IMMP1L: variants seen among roughly 807,000 people sequenced by gnomAD.
The protein encoded by IMMP1L is inner mitochondrial membrane peptidase subunit 1, also known as mitochondrial inner membrane protease subunit 1.
A neutral mutation model predicts 21.8 loss-of-function variants in IMMP1L; 24 were observed. The ratio of observed to expected loss-of-function variants is 1.10; its 90% CI spans 0.80 to 1.55. IMMP1L has a LOEUF of 1.55. Ranked by LOEUF, IMMP1L falls within the 40% of genes most tolerant of loss-of-function variation. IMMP1L has a pLI of 0.00. For missense variants in IMMP1L, 195 were observed against 200.7 expected (o/e 0.97, Z 0.17); for synonymous variants, 46 against 62.8 (o/e 0.73, Z 1.26).
chr11:31,485,938 A>T (rs1310702278), intron 1 of IMMP1L, among the ~76,000 whole-genome samples: 2 of 151,902 alleles, frequency 1.3e-5, no homozygotes, highest in Non-Finnish European at 2.9e-5. Context: ...TTTTCTGATG[A>T]AGTACTCAAA....
intron 1 of IMMP1L, among the ~76,000 whole-genome samples, chr11:31,494,410 C>T (rs1485284236): frequency 6.6e-6 from 1 of 152,208 alleles, no homozygotes; most frequent in South Asian, 2.1e-4. Context: ...ACACCATGCC[C>T]CAGGACTGCA....
intron 4 of IMMP1L, chr11:31,452,839 C>T (rs1419938532): frequency 9.3e-6 from 7 of 752,600 alleles, no homozygotes; most frequent in Non-Finnish European, 1.2e-5. Flanking sequence ...CAACCTCCAC[C>T]TCCCAGGTTG....
chr11:31,468,051 G>T (rs1320038305), intron 1 of IMMP1L, among the ~76,000 whole-genome samples: 1 of 151,464 alleles, frequency 6.6e-6, no homozygotes, highest in Non-Finnish European at 1.5e-5. Context: ...TTTAATGAAA[G>T]GAAAAATTAT....
chr11:31,486,609 T>C (rs1011380033), intron 1 of IMMP1L, among the ~76,000 whole-genome samples: 5 of 152,008 alleles, frequency 3.3e-5, no homozygotes, highest in African/African-American at 1.2e-4. Flanking sequence ...ACATGATATG[T>C]AACCAGGATA....
intron 3 of IMMP1L, among the ~76,000 whole-genome samples, chr11:31,459,378 G>A (rs1418636616): frequency 1.3e-5 from 2 of 152,156 alleles, no homozygotes; most frequent in Admixed American, 1.3e-4. Context: ...ACTAGCTCAA[G>A]GGAATCAAAT....
intron 4 of IMMP1L, among the ~76,000 whole-genome samples, chr11:31,455,773 A>C (rs1222187715): frequency 6.6e-6 from 1 of 152,014 alleles, no homozygotes; most frequent in Non-Finnish European, 1.5e-5. Context: ...ATATTGTCTT[A>C]TGTTTTCTCA....
chr11:31,506,579 G>A (rs535733824), intron 1 of IMMP1L, among the ~76,000 whole-genome samples: 3 of 149,490 alleles, frequency 2.0e-5, no homozygotes, highest in Admixed American at 1.3e-4. Context: ...ATTTATTCTC[G>A]TGTTTTATAT....
intron 4 of IMMP1L, among the ~76,000 whole-genome samples, chr11:31,446,376 G>A (rs566368722): frequency 6.6e-6 from 1 of 152,134 alleles, no homozygotes; most frequent in African/African-American, 2.4e-5. Flanking sequence ...CAACAGAATG[G>A]CCCCACAGAA....
At chr11:31,496,036 A>G (rs1955419787) in intron 1 of IMMP1L, among the ~76,000 whole-genome samples, 1 of 152,086 alleles carries the variant, frequency 6.6e-6, no homozygotes, top group Non-Finnish European at 1.5e-5. Context: ...TATCACAAGG[A>G]GAAAGTATTT....
At chr11:31,504,695 A>G (rs554631586) in intron 1 of IMMP1L, among the ~76,000 whole-genome samples, 2 of 152,348 alleles carry the variant, frequency 1.3e-5, no homozygotes, top group Admixed American at 6.5e-5. Flanking sequence ...TTTATATAAT[A>G]CTATACAGCA....
At chr11:31,473,194 C>A (rs951241665) in intron 1 of IMMP1L, among the ~76,000 whole-genome samples, 1 of 152,098 alleles carries the variant, frequency 6.6e-6, no homozygotes, top group Non-Finnish European at 1.5e-5. Context: ...GGACTACAGG[C>A]GCCTGCCACC....
At position 31,489,594 on chromosome 11, in the gene IMMP1L, C is replaced by T. The variant is rs895606571; in HGVS notation, c.-30+19925G>A. Reference sequence around the variant, plus strand: ...GCATTACTTATCATCTTTTGCTCTCCTTAGTCTTCTTATCTTATCTCTTGC... The same window carrying T: ...GCATTACTTATCATCTTTTGCTCTCTTTAGTCTTCTTATCTTATCTCTTGC... On this transcript the variant is annotated intron_variant, in intron 1 of 5. Coordinates refer to ENST00000532287, the MANE Select transcript of IMMP1L (RefSeq NM_001304274.2). 2.8e-5 allele frequency among the ~76,000 whole-genome samples: 4 copies of T among 140,518 alleles called. No homozygotes were observed. In the East Asian group the frequency reaches 8.4e-4, roughly 30 times the overall value. 92.2% of individuals were successfully genotyped at this position (140,518 alleles called of 152,430 possible). A position where few individuals can be genotyped will look rare whatever the true frequency, so the allele number is the denominator to read the frequency against.
intron 4 of IMMP1L, 35 bp downstream of exon 4, chr11:31,456,225 G>A: frequency 6.9e-7 from 1 of 1,452,894 alleles, no homozygotes; most frequent in Non-Finnish European, 9.5e-7. Context: ...AATCAATTAT[G>A]ACACCAAAAA....
At chr11:31,448,834 A>C (rs1953634989) in intron 4 of IMMP1L, 1 of 504,150 alleles carries the variant, frequency 2.0e-6, no homozygotes, top group African/African-American at 2.1e-5. Flanking sequence ...GGAGCCTCAA[A>C]GATTATTCTT....
At chr11:31,476,265 A>G (rs1045290798) in intron 1 of IMMP1L, among the ~76,000 whole-genome samples, 18 of 152,238 alleles carry the variant, frequency 1.2e-4, no homozygotes, top group African/African-American at 3.4e-4. Context: ...AAGTAACACA[A>G]TGCAGTTTAC....
At chr11:31,458,020 T>G (rs937588118) in intron 3 of IMMP1L, among the ~76,000 whole-genome samples, 1 of 152,148 alleles carries the variant, frequency 6.6e-6, no homozygotes, top group Non-Finnish European at 1.5e-5. Context: ...AAGTTGATTT[T>G]GGGTAGCTTT....
chr11:31,501,518 G>A (rs1235664253), intron 1 of IMMP1L, among the ~76,000 whole-genome samples: 2 of 152,128 alleles, frequency 1.3e-5, no homozygotes, highest in African/African-American at 4.8e-5. Context: ...CCAGTTTCCT[G>A]AATTGTGAGC....
chr11:31,486,138 G>A (rs1009396806), intron 1 of IMMP1L, among the ~76,000 whole-genome samples: 2 of 151,550 alleles, frequency 1.3e-5, no homozygotes, highest in East Asian at 3.9e-4. Context: ...ATAGCCGAAG[G>A]AATATCTGAT....
At chr11:31,474,066 G>A (rs1954653440) in intron 1 of IMMP1L, among the ~76,000 whole-genome samples, 1 of 152,098 alleles carries the variant, frequency 6.6e-6, no homozygotes, top group South Asian at 2.1e-4. Context: ...GATAGGGAAG[G>A]AGAAAACAAA....
Sources: allele counts gnomAD v4.1 joint callset (sites outside exome capture counted in the v4.1 genomes callset), GRCh38; gene constraint gnomAD v4.1.1; transcripts MANE v1.5; gene names NCBI Gene and HGNC (gene_info 2026-07-23, HGNC 2026-07-21).